Variants in NEDD4 observed in about 807,000 individuals in gnomAD.
The protein encoded by NEDD4 is E3 ubiquitin-protein ligase NEDD4.
NEDD4 carries 99 observed loss-of-function variants against 144.9 expected under a neutral mutation model. The observed-to-expected ratio is 0.68, with a 90% CI of 0.58 to 0.81. The LOEUF is 0.81. Ranked by LOEUF, NEDD4 falls within the 30% of genes least tolerant of loss-of-function variation. The pLI is 0.00. For missense variants in NEDD4, 985 were observed against 1,065.9 expected, an observed-to-expected ratio of 0.92 and a Z score of 1.06; for synonymous variants, 318 against 350.6, an observed-to-expected ratio of 0.91 and a Z score of 1.04.
chr15:55,880,620 G>T (rs549439099), intron 5 of NEDD4, among the ~76,000 whole-genome samples: 1 of 152,276 alleles, frequency 6.6e-6, no homozygotes, highest in South Asian at 2.1e-4. Flanking sequence ...AAATGAGGGA[G>T]TGTGCCGTGA....
At chr15:55,942,623 A>G (rs2037028239) in intron 4 of NEDD4, among the ~76,000 whole-genome samples, 1 of 152,138 alleles carries the variant, frequency 6.6e-6, no homozygotes, top group Admixed American at 6.6e-5. Flanking sequence ...GGCTTCCTGT[A>G]CAGCCTGTGG....
intron 4 of NEDD4, among the ~76,000 whole-genome samples, chr15:55,950,383 A>T (rs1167123948): frequency 6.6e-6 from 1 of 152,178 alleles, no homozygotes; most frequent in African/African-American, 2.4e-5. Context: ...CTTCAAATTC[A>T]CTTTATTAAA....
At chr15:55,980,507 G>C (rs2037780242) in intron 1 of NEDD4, among the ~76,000 whole-genome samples, 1 of 152,172 alleles carries the variant, frequency 6.6e-6, no homozygotes, top group Non-Finnish European at 1.5e-5. Context: ...TACTGTGAGA[G>C]GCTCCAGTCA....
rs573392163 is a variant in NEDD4, at chr15:55,828,333, A to T, written c.*1564T>A. 2 of 152,320 alleles carry T rather than the reference A, an allele frequency of 1.3e-5. No individual in the cohort carries two copies. Among genetic ancestry groups the T allele is most frequent in the South Asian group, 4.1e-4 (2 of 4,822 alleles). The allele number at this position is 152,320 out of a possible 1,614,324, so 9.4% of individuals were successfully genotyped here. A position where few individuals can be genotyped will look rare whatever the true frequency, so the allele number is the denominator to read the frequency against. On this transcript the variant is annotated 3_prime_UTR_variant, in exon 29 of 29. Transcript: ENST00000435532. Reference sequence around the variant, plus strand: ...AGAAGATTCGTAACATATATTTACAATTATTCCTAAATCACCAAGATACCA... The same window carrying T: ...AGAAGATTCGTAACATATATTTACATTTATTCCTAAATCACCAAGATACCA...
chr15:55,973,856 T>A (rs2037655770), intron 1 of NEDD4, among the ~76,000 whole-genome samples: 1 of 148,964 alleles, frequency 6.7e-6, no homozygotes, highest in South Asian at 2.1e-4. Context: ...ACAACCTAGC[T>A]ATGCATCTTA....
At chr15:55,987,181 A>G (rs867289920) in intron 1 of NEDD4, 8 of 87,466 alleles carry the variant, frequency 9.1e-5, no homozygotes, top group Middle Eastern at 4.3e-3. Flanking sequence ...GTGTGAGATG[A>G]TATCTCATAG....
intron 4 of NEDD4, among the ~76,000 whole-genome samples, chr15:55,935,623 G>A (rs771877576): frequency 6.6e-6 from 1 of 151,930 alleles, no homozygotes; most frequent in Non-Finnish European, 1.5e-5. Context: ...TGAGGCAGAC[G>A]GATCATGAGG....
intron 13 of NEDD4, among the ~76,000 whole-genome samples, chr15:55,851,713 G>A (rs2033989812): frequency 6.6e-6 from 1 of 151,890 alleles, no homozygotes; most frequent in African/African-American, 2.4e-5. Flanking sequence ...CCGACCTCAG[G>A]TGATCCTCCC....
intron 1 of NEDD4, among the ~76,000 whole-genome samples, chr15:55,977,237 C>T (rs544556865): frequency 6.6e-6 from 1 of 152,314 alleles, no homozygotes; most frequent in Admixed American, 6.5e-5. Context: ...TAAAATACCA[C>T]ATTTTTACTT....
At chr15:55,848,037 C>T (rs1252376762) in intron 17 of NEDD4, among the ~76,000 whole-genome samples, 2 of 152,138 alleles carry the variant, frequency 1.3e-5, no homozygotes, top group African/African-American at 2.4e-5. Flanking sequence ...TCCTCATCCG[C>T]ATACACTCTC....
At chr15:55,892,330 T>C (rs994522401) in intron 5 of NEDD4, among the ~76,000 whole-genome samples, 4 of 150,036 alleles carry the variant, frequency 2.7e-5, no homozygotes, top group African/African-American at 9.8e-5. Context: ...ATAATAAATA[T>C]GAATTATAAA....
chr15:55,887,300 T>G (rs1459970335), intron 5 of NEDD4, among the ~76,000 whole-genome samples: 1 of 151,756 alleles, frequency 6.6e-6, no homozygotes, highest in Non-Finnish European at 1.5e-5. Flanking sequence ...AAATCAGAGA[T>G]GAAAATGGAG....
Position 55,834,117 on chromosome 15 carries a change from T to C in NEDD4, c.2351A>G (p.Asp784Gly). ...TGTATGTTCCCTCCAGTCATTCACA[T>C]CAACATCTCCCAGTCCACACATAAG... ...ELLMCGLGDV[D>G]VNDWREHTKY... Residue 784 changes from aspartate to glycine, a missense_variant, in exon 26 of 29, where the codon GAT becomes GGT. Coordinates refer to ENST00000435532, the MANE Select transcript of NEDD4 (RefSeq NM_006154.4). 6.2e-7 allele frequency: 1 copy of C among 1,613,706 alleles called. No homozygotes were observed. Among genetic ancestry groups the C allele is most frequent in the Non-Finnish European group, 8.5e-7 (1 of 1,179,938 alleles).
intron 1 of NEDD4, among the ~76,000 whole-genome samples, chr15:55,993,289 G>T (rs1356554564): frequency 2.6e-5 from 4 of 152,172 alleles, no homozygotes; most frequent in Non-Finnish European, 5.9e-5. Context: ...GAAGGGGCGG[G>T]TGTGGACCCG....
At chr15:55,944,115 G>A (rs376472798) in intron 4 of NEDD4, among the ~76,000 whole-genome samples, 21 of 152,332 alleles carry the variant, frequency 1.4e-4, no homozygotes, top group Admixed American at 5.9e-4. Flanking sequence ...GAGGTGCCTG[G>A]TTCATCTCAT....
At chr15:55,982,165 T>C (rs896766208) in intron 1 of NEDD4, among the ~76,000 whole-genome samples, 1 of 152,190 alleles carries the variant, frequency 6.6e-6, no homozygotes, top group African/African-American at 2.4e-5. Flanking sequence ...TTTCACATAT[T>C]ACCAATGGGA....
At chr15:55,984,190 T>A (rs72734397) in intron 1 of NEDD4, among the ~76,000 whole-genome samples, 18,475 of 152,180 alleles carry the variant, frequency 0.12, 1,194 homozygotes, top group East Asian at 0.26. Context: ...CAATTACAAG[T>A]TAATTTTGCA....
At chr15:55,918,170 G>A (rs1230694281) in intron 5 of NEDD4, among the ~76,000 whole-genome samples, 2 of 152,116 alleles carry the variant, frequency 1.3e-5, no homozygotes, top group East Asian at 1.9e-4. Context: ...ACTCACCAGT[G>A]CTGATAAAGC....
chr15:55,955,929 C>T (rs1209270426), intron 2 of NEDD4, among the ~76,000 whole-genome samples: 1 of 151,692 alleles, frequency 6.6e-6, no homozygotes, highest in African/African-American at 2.4e-5. Flanking sequence ...GATCTTCCCA[C>T]CTCAGCCTCC....
Sources: gnomAD v4.1 joint callset for allele counts (sites outside exome capture counted in the v4.1 genomes callset) on GRCh38, gnomAD v4.1.1 for gene constraint, MANE v1.5 for transcripts, NCBI Gene and HGNC (gene_info 2026-07-23, HGNC 2026-07-21) for gene names.